Variants in TACR3 observed in about 807,000 individuals in gnomAD.
The protein encoded by TACR3 is neuromedin-K receptor.
Under a neutral mutation model 35.0 loss-of-function variants are expected in TACR3, and 34 were observed. The ratio of observed to expected loss-of-function variants is 0.97; its 90% CI spans 0.74 to 1.30. TACR3 has a LOEUF of 1.30. Among genes scored for constraint, TACR3 ranks in the 50% most tolerant of loss-of-function variants. TACR3 has a pLI of 0.00. For missense variants in TACR3, 558 were observed against 591.7 expected (o/e 0.94, Z 0.59); for synonymous variants, 233 against 221.1 (o/e 1.05, Z -0.48).
chr4:103,600,349 C>T (rs192688322), intron 3 of TACR3, among the ~76,000 whole-genome samples: 32 of 152,038 alleles, frequency 2.1e-4, no homozygotes, highest in African/African-American at 7.5e-4. Context: ...TCTCTCTTTT[C>T]TTCTTTATTA....
In TACR3 at chr4:103,622,259, TAAGAG is replaced by T. The variant is rs540144293; in HGVS notation, c.889-30581_889-30577del. On this transcript the variant is annotated intron_variant, in intron 3 of 4. Coordinates refer to ENST00000304883, the MANE Select transcript of TACR3 (RefSeq NM_001059.3). ...ATTAATCAAAGGTGTAAAAGATTGATAAGAGAAGCAGGCAAAGAGATGTGAGCATA... is the reference window on the plus strand; with the variant it reads ...ATTAATCAAAGGTGTAAAAGATTGATAAGCAGGCAAAGAGATGTGAGCATA... 7.2e-5 allele frequency among the ~76,000 whole-genome samples: 11 copies of T among 152,262 alleles called. No homozygotes were observed. The East Asian group carries it at 1.9e-3, about 27-fold the overall frequency.
intron 3 of TACR3, among the ~76,000 whole-genome samples, chr4:103,633,704 T>C (rs1461229136): frequency 6.6e-6 from 1 of 152,136 alleles, no homozygotes; most frequent in Non-Finnish European, 1.5e-5. Context: ...AATAATAGTC[T>C]CTAACCTTAT....
intron 3 of TACR3, among the ~76,000 whole-genome samples, chr4:103,594,714 C>T (rs28712017): frequency 0.13 from 19,356 of 152,044 alleles, 1,985 homozygotes; most frequent in East Asian, 0.5. Context: ...TTCAGAAAAA[C>T]ATGCAAAAAT....
chr4:103,689,185 G>T (rs1306455806), intron 1 of TACR3, among the ~76,000 whole-genome samples: 2 of 147,062 alleles, frequency 1.4e-5, no homozygotes, highest in Admixed American at 1.4e-4. Flanking sequence ...TCACTCATAG[G>T]TGGGAATTGA....
chr4:103,657,371 A>G (rs1003139796), intron 2 of TACR3, among the ~76,000 whole-genome samples: 1 of 152,092 alleles, frequency 6.6e-6, no homozygotes, highest in African/African-American at 2.4e-5. Context: ...CATACAATTA[A>G]GATGTATTAA....
chr4:103,655,744 G>T (rs764283793), intron 3 of TACR3, among the ~76,000 whole-genome samples: 2 of 151,950 alleles, frequency 1.3e-5, no homozygotes, highest in African/African-American at 4.8e-5. Context: ...GAGACGAGGG[G>T]ATACAGGAAA....
intron 1 of TACR3, among the ~76,000 whole-genome samples, chr4:103,696,941 T>C (rs890039114): frequency 1.3e-5 from 2 of 152,164 alleles, no homozygotes; most frequent in Admixed American, 1.3e-4. Flanking sequence ...TGAGACAGGT[T>C]CTTGCTCTGT....
intron 3 of TACR3, among the ~76,000 whole-genome samples, chr4:103,605,945 T>C (rs997075466): frequency 2.6e-5 from 4 of 152,120 alleles, no homozygotes; most frequent in African/African-American, 9.7e-5. Flanking sequence ...TTCTAGGGTT[T>C]TTATGGTTTT....
chr4:103,615,769 T>C (rs1724643411), intron 3 of TACR3, among the ~76,000 whole-genome samples: 3 of 152,172 alleles, frequency 2.0e-5, no homozygotes, highest in African/African-American at 7.2e-5. Context: ...CAGACTCTAA[T>C]GGCAATTTAA....
At chr4:103,687,350 C>T (rs1020188708) in intron 1 of TACR3, among the ~76,000 whole-genome samples, 12 of 152,010 alleles carry the variant, frequency 7.9e-5, no homozygotes, top group Non-Finnish European at 1.6e-4. Flanking sequence ...ACAGGGATGC[C>T]CTCTCTCAAC....
chr4:103,716,444 T>C (rs1723093025), intron 1 of TACR3, among the ~76,000 whole-genome samples: 1 of 152,150 alleles, frequency 6.6e-6, no homozygotes, highest in Non-Finnish European at 1.5e-5. Flanking sequence ...CAGTCAAATC[T>C]AGTAAACTTA....
At chr4:103,684,636 T>C (rs546392450) in intron 1 of TACR3, among the ~76,000 whole-genome samples, 1 of 152,260 alleles carries the variant, frequency 6.6e-6, no homozygotes, top group African/African-American at 2.4e-5. Flanking sequence ...CTAACTGATC[T>C]ACATATTTAA....
At chr4:103,591,722 T>C in intron 3 of TACR3, 39 bp from the exon 4 acceptor site, 8 of 1,542,880 alleles carry the variant, frequency 5.2e-6, no homozygotes, top group Non-Finnish European at 6.2e-6. Context: ...AATATAATAC[T>C]CATAATAGTT....
At chr4:103,607,575 C>T (rs1239101317) in intron 3 of TACR3, among the ~76,000 whole-genome samples, 1 of 151,854 alleles carries the variant, frequency 6.6e-6, no homozygotes, top group African/African-American at 2.4e-5. Context: ...CTATTTGAGC[C>T]ATGTGATAAT....
chr4:103,694,819 G>T (rs1186035375), intron 1 of TACR3, among the ~76,000 whole-genome samples: 1 of 152,034 alleles, frequency 6.6e-6, no homozygotes, highest in Non-Finnish European at 1.5e-5. Flanking sequence ...ATTAAATATA[G>T]AGAGAGACAT....
At chr4:103,638,514 C>T (rs1225350683) in intron 3 of TACR3, among the ~76,000 whole-genome samples, 1 of 151,972 alleles carries the variant, frequency 6.6e-6, no homozygotes, top group Non-Finnish European at 1.5e-5. Context: ...CGATACCATT[C>T]AGGACATAGG....
chr4:103,605,613 G>A (rs1724337249), intron 3 of TACR3, among the ~76,000 whole-genome samples: 2 of 151,942 alleles, frequency 1.3e-5, no homozygotes, highest in Non-Finnish European at 2.9e-5. Flanking sequence ...TTTTTTGGCT[G>A]CATAAATGTC....
In TACR3 at chr4:103,663,318, A is replaced by T. The variant is rs538961273; in HGVS notation, c.549-4915T>A. 5.3e-5 allele frequency among the ~76,000 whole-genome samples: 8 copies of T among 152,106 alleles called. No individual in the cohort carries two copies. In the East Asian group the frequency reaches 1.4e-3, roughly 26 times the overall value. Reference sequence around the variant, plus strand: ...AGACCAGCCTGGCCAACATGGAGAAACCTCATCTCTACTAGAAATACAAAA... The same window carrying T: ...AGACCAGCCTGGCCAACATGGAGAATCCTCATCTCTACTAGAAATACAAAA... On this transcript the variant is annotated intron_variant, in intron 1 of 4. Transcript: ENST00000304883.
chr4:103,633,605 T>A (rs1725116785), intron 3 of TACR3, among the ~76,000 whole-genome samples: 1 of 152,086 alleles, frequency 6.6e-6, no homozygotes, highest in Non-Finnish European at 1.5e-5. Flanking sequence ...CTGTACCATT[T>A]TTATGACTTT....
Sources: gnomAD v4.1 joint callset for allele counts (sites outside exome capture counted in the v4.1 genomes callset) on GRCh38, gnomAD v4.1.1 for gene constraint, MANE v1.5 for transcripts, NCBI Gene and HGNC (gene_info 2026-07-23, HGNC 2026-07-21) for gene names.